The following MLLT10 variants were observed in gnomAD, a reference collection of about 807,000 sequenced individuals.
MLLT10 encodes MLLT10 histone lysine methyltransferase DOT1L cofactor, also known as protein AF-10.
MLLT10 carries 30 observed loss-of-function variants against 129.1 expected under a neutral mutation model. The observed-to-expected ratio is 0.23, with a 90% confidence interval of 0.17 to 0.32. MLLT10 has a LOEUF of 0.32. Ranked by LOEUF, MLLT10 falls within the 10% of genes least tolerant of loss-of-function variation. MLLT10 has a pLI of 1.00. For missense variants in MLLT10, 1,119 were observed against 1,268.3 expected, an observed-to-expected ratio of 0.88 and a Z score of 1.79; for synonymous variants, 490 against 446.4, an observed-to-expected ratio of 1.10 and a Z score of -1.23.
At chr10:21,638,923 T>G (rs1464091783) in intron 8 of MLLT10, among the ~76,000 whole-genome samples, 1 of 152,160 alleles carries the variant, frequency 6.6e-6, no homozygotes, top group Non-Finnish European at 1.5e-5. Flanking sequence ...AAACATAGTT[T>G]CTGGTGCTTA....
intron 13 of MLLT10, among the ~76,000 whole-genome samples, chr10:21,687,464 G>C (rs192995576): frequency 2.0e-5 from 3 of 152,318 alleles, no homozygotes; most frequent in Admixed American, 2.0e-4. Context: ...AGTTGTCACT[G>C]TGAGCAGTAT....
intron 10 of MLLT10, 33 bp from the exon 11 acceptor site, chr10:21,673,317 A>AGT: frequency 5.8e-6 from 1 of 173,604 alleles, no homozygotes. Context: ...CCACCCCCCA[A>AGT]CTTTTTTTTT....
intron 21 of MLLT10, among the ~76,000 whole-genome samples, chr10:21,737,310 G>A (rs538802588): frequency 1.3e-5 from 2 of 152,250 alleles, no homozygotes; most frequent in South Asian, 4.2e-4. Flanking sequence ...GATAGCATAT[G>A]GGCACCTCAA....
intron 3 of MLLT10, among the ~76,000 whole-genome samples, chr10:21,554,419 T>C (rs926358621): frequency 6.6e-6 from 1 of 152,022 alleles, no homozygotes; most frequent in Non-Finnish European, 1.5e-5. Flanking sequence ...GTTGGGATTA[T>C]GGGCGTGCCA....
At chr10:21,568,698 C>T (rs535396448) in intron 3 of MLLT10, among the ~76,000 whole-genome samples, 20 of 152,176 alleles carry the variant, frequency 1.3e-4, no homozygotes, top group African/African-American at 4.3e-4. Flanking sequence ...AGTGCCGCAG[C>T]GAGATCTTGG....
chr10:21,715,519 A>G (rs138279010), intron 14 of MLLT10, among the ~76,000 whole-genome samples: 22 of 152,332 alleles, frequency 1.4e-4, no homozygotes, highest in African/African-American at 5.1e-4. Context: ...ATTAAGTGCA[A>G]CCATATGCTG....
chr10:21,566,324 C>T (rs2039551034), intron 3 of MLLT10, among the ~76,000 whole-genome samples: 1 of 149,598 alleles, frequency 6.7e-6, no homozygotes, highest in Admixed American at 6.7e-5. Flanking sequence ...TTGTCAGACT[C>T]CCCCCCACCC....
intron 8 of MLLT10, among the ~76,000 whole-genome samples, chr10:21,646,868 T>A (rs895083742): frequency 2.0e-5 from 3 of 151,562 alleles, no homozygotes; most frequent in Non-Finnish European, 4.4e-5. Flanking sequence ...TTTTTTTTTT[T>A]TTTCTGAGAC....
intron 13 of MLLT10, among the ~76,000 whole-genome samples, chr10:21,706,150 G>A (rs2055473180): frequency 6.6e-6 from 1 of 152,164 alleles, no homozygotes. Context: ...GGTTCTTAGT[G>A]GAAGAGACAA....
intron 8 of MLLT10, among the ~76,000 whole-genome samples, chr10:21,630,121 G>A (rs930465281): frequency 6.6e-6 from 1 of 152,200 alleles, no homozygotes; most frequent in Non-Finnish European, 1.5e-5. Flanking sequence ...GAAACTAGAT[G>A]TGGGTTGAAC....
intron 8 of MLLT10, among the ~76,000 whole-genome samples, chr10:21,640,365 T>C (rs1254509999): frequency 6.7e-6 from 1 of 148,234 alleles, no homozygotes; most frequent in East Asian, 1.9e-4. Context: ...CATATATGTG[T>C]GTGTGTATAT....
At chr10:21,677,269 A>G (rs906505937) in intron 11 of MLLT10, among the ~76,000 whole-genome samples, 1 of 152,226 alleles carries the variant, frequency 6.6e-6, no homozygotes, top group African/African-American at 2.4e-5. Flanking sequence ...TATTGGTATG[A>G]AAAGTTAATT....
chr10:21,641,740 C>T (rs1427680756), intron 8 of MLLT10, among the ~76,000 whole-genome samples: 1 of 152,084 alleles, frequency 6.6e-6, no homozygotes, highest in African/African-American at 2.4e-5. Context: ...GCAAACAAGA[C>T]GTTGAAGAGG....
intron 13 of MLLT10, among the ~76,000 whole-genome samples, chr10:21,682,698 G>C (rs1011634416): frequency 6.6e-6 from 1 of 152,144 alleles, no homozygotes; most frequent in Non-Finnish European, 1.5e-5. Flanking sequence ...TGAATAAATG[G>C]AAGATAGTCT....
chr10:21,708,451 C>T (rs1055707071), intron 13 of MLLT10: 3 of 466,262 alleles, frequency 6.4e-6, no homozygotes, highest in African/African-American at 6.4e-5. Flanking sequence ...ACCAGTCCTA[C>T]CTGAGGAGCA....
At chr10:21,559,062 G>T (rs2038451274) in intron 3 of MLLT10, among the ~76,000 whole-genome samples, 1 of 152,160 alleles carries the variant, frequency 6.6e-6, no homozygotes, top group South Asian at 2.1e-4. Flanking sequence ...CATTGATTGT[G>T]TATATCAGTT....
intron 16 of MLLT10, among the ~76,000 whole-genome samples, chr10:21,728,866 A>ATTT (rs201564671): frequency 2.2e-5 from 3 of 139,170 alleles, no homozygotes; most frequent in Non-Finnish European, 1.6e-5. Context: ...CATGTCTACA[A>ATTT]TTTTTTTTTT....
intron 8 of MLLT10, among the ~76,000 whole-genome samples, chr10:21,629,502 G>A (rs1321633049): frequency 6.6e-6 from 1 of 152,102 alleles, no homozygotes; most frequent in Non-Finnish European, 1.5e-5. Flanking sequence ...TTGAGATTTA[G>A]GCACATATCC....
At chr10:21,564,729 C>T (rs1482839307) in intron 3 of MLLT10, among the ~76,000 whole-genome samples, 2 of 151,082 alleles carry the variant, frequency 1.3e-5, no homozygotes, top group Non-Finnish European at 2.9e-5. Context: ...GAGGCTGAGG[C>T]AGGAGAATTG....
Sources: allele counts gnomAD v4.1 joint callset (sites outside exome capture counted in the v4.1 genomes callset), GRCh38; gene constraint gnomAD v4.1.1; transcripts MANE v1.5; gene names NCBI Gene and HGNC (gene_info 2026-07-23, HGNC 2026-07-21).